Variants in SLC17A6 observed in about 807,000 individuals in gnomAD.
SLC17A6 encodes solute carrier family 17 member 6.
In SLC17A6, 35 loss-of-function variants were observed where a neutral mutation model predicts 67.1. That is an observed-to-expected ratio of 0.52 (90% CI 0.40 to 0.69). The LOEUF is 0.69. Among genes scored for constraint, SLC17A6 ranks in the 30% least tolerant of loss-of-function variants. The probability of loss-of-function intolerance (pLI) is 0.00; values close to 1 mark genes in which losing one functional copy is unlikely to be tolerated. For missense variants in SLC17A6, 588 were observed against 723.9 expected (o/e 0.81, Z 2.15); for synonymous variants, 285 against 252.3 (o/e 1.13, Z -1.23).
At chr11:22,369,968 G>A (rs1856157367) in intron 7 of SLC17A6, 71 bp from the exon 8 acceptor site, 2 of 1,443,700 alleles carry the variant, frequency 1.4e-6, no homozygotes, top group African/African-American at 1.4e-5. Flanking sequence ...AAAATGCAAA[G>A]CACCTATTAT....
At chr11:22,371,426 G>A (rs973982711) in intron 8 of SLC17A6, among the ~76,000 whole-genome samples, 1 of 151,862 alleles carries the variant, frequency 6.6e-6, no homozygotes, top group Non-Finnish European at 1.5e-5. Flanking sequence ...CTCCATCCCC[G>A]AGAAGAATGG....
Position 22,374,901 on chromosome 11 carries a change from TGGC to T in SLC17A6, c.1174+15_1174+17del. 1 of 1,604,622 alleles carries T rather than the reference TGGC, an allele frequency of 6.2e-7. No individual in the cohort carries two copies. The highest frequency in any genetic ancestry group is 8.5e-7 in the Non-Finnish European group (1 of 1,176,430). ...TGAATTGTGGTGGTAAGTACATAAG[TGGC>T]ACTAAGGACATGTTTTTAGTTCAAT... On this transcript the variant is annotated intron_variant, in intron 9 of 11. Coordinates refer to ENST00000263160, the MANE Select transcript of SLC17A6 (RefSeq NM_020346.3).
chr11:22,367,570 T>G (rs1856127125), intron 7 of SLC17A6, among the ~76,000 whole-genome samples: 1 of 152,158 alleles, frequency 6.6e-6, no homozygotes, highest in African/African-American at 2.4e-5. Context: ...GCAGTTATTT[T>G]GAGCAGAAGT....
chr11:22,343,471 C>A, intron 3 of SLC17A6, 106 bp downstream of exon 3: 1 of 898,668 alleles, frequency 1.1e-6, no homozygotes, highest in Non-Finnish European at 1.7e-6. Context: ...TTGAGGACTC[C>A]CGGGCGAAGT....
intron 8 of SLC17A6, among the ~76,000 whole-genome samples, chr11:22,373,712 T>C (rs1236789326): frequency 6.6e-6 from 1 of 152,204 alleles, no homozygotes; most frequent in Non-Finnish European, 1.5e-5. Context: ...TTTTTTTATT[T>C]AATAAGAACA....
chr11:22,352,571 T>C (rs1442647439), intron 3 of SLC17A6, among the ~76,000 whole-genome samples: 1 of 152,180 alleles, frequency 6.6e-6, no homozygotes, highest in Non-Finnish European at 1.5e-5. Context: ...GAACATGCCA[T>C]ATGAAAAGCA....
At chr11:22,349,892 C>T (rs1590381540) in intron 3 of SLC17A6, among the ~76,000 whole-genome samples, 1 of 152,120 alleles carries the variant, frequency 6.6e-6, no homozygotes, top group Admixed American at 6.5e-5. Context: ...CTGCTGCAGA[C>T]CCTCCAGGAA....
At chr11:22,342,660 G>T (rs950738905) in intron 2 of SLC17A6, among the ~76,000 whole-genome samples, 1 of 152,044 alleles carries the variant, frequency 6.6e-6, no homozygotes, top group Admixed American at 6.5e-5. Context: ...AAACCCCTGA[G>T]CAATGACTCC....
At chr11:22,364,495 G>A (rs1307399576) in intron 6 of SLC17A6, among the ~76,000 whole-genome samples, 1 of 152,084 alleles carries the variant, frequency 6.6e-6, no homozygotes, top group African/African-American at 2.4e-5. Flanking sequence ...TTTGAATCTG[G>A]GAGTTATATT....
At chr11:22,377,332 G>A (rs1403379759) in intron 11 of SLC17A6, 73 bp from the exon 12 acceptor site, 16 of 1,330,084 alleles carry the variant, frequency 1.2e-5, no homozygotes, top group Non-Finnish European at 1.6e-5. Context: ...CAGTGGTGGT[G>A]CATTCAGAGA....
At chr11:22,341,384 CA>C (rs1291164251) in intron 1 of SLC17A6, 143 bp from the exon 2 acceptor site, 2 of 1,224,454 alleles carry the variant, frequency 1.6e-6, no homozygotes, top group Non-Finnish European at 2.2e-6. Context: ...AGCTTGGTGT[CA>C]CCCCACCACC....
chr11:22,370,110 C>T lies in SLC17A6; in HGVS notation c.963C>T (p.Cys321=). 6.2e-7 allele frequency: 1 copy of T among 1,612,276 alleles called. No individual in the cohort carries two copies. Among genetic ancestry groups the T allele is most frequent in the Non-Finnish European group, 8.5e-7 (1 of 1,179,116 alleles). The change falls in exon 8 of 12, where the codon TGC becomes TGT. Residue 321 remains cysteine, a synonymous_variant. Coordinates refer to ENST00000263160, the MANE Select transcript of SLC17A6 (RefSeq NM_020346.3). ...PVYAIIVANF[C]RSWTFYLLLI... ...ATGCAATAATTGTTGCAAACTTCTG[C>T]AGAAGCTGGACTTTTTATTTATTGC...
chr11:22,369,473 T>C lies in SLC17A6; in HGVS notation c.892-566T>C, dbSNP rs555433281. On this transcript the variant is annotated intron_variant, in intron 7 of 11. Coordinates refer to ENST00000263160, the MANE Select transcript of SLC17A6 (RefSeq NM_020346.3). Reference sequence around the variant, plus strand: ...TCCAGTGTCACAGAATTTATAGTTATAGCTACTAGCTATCAAGATAATTTA... The same window carrying C: ...TCCAGTGTCACAGAATTTATAGTTACAGCTACTAGCTATCAAGATAATTTA... Among the ~76,000 whole-genome samples, 36 of 152,138 alleles carry C rather than the reference T, an allele frequency of 2.4e-4. No individual in the cohort carries two copies. The East Asian group carries it at 6.7e-3, about 29-fold the overall frequency.
intron 7 of SLC17A6, among the ~76,000 whole-genome samples, chr11:22,369,090 A>AGG (rs1298446846): frequency 6.6e-6 from 1 of 151,970 alleles, no homozygotes; most frequent in Non-Finnish European, 1.5e-5. Context: ...AGTTAGGTCA[A>AGG]GGATCCCAAG....
rs1668608439 is a variant in SLC17A6, at chr11:22,338,469, A to T, written c.-65A>T. On this transcript the variant is annotated 5_prime_UTR_variant, in exon 1 of 12. Coordinates refer to ENST00000263160, the MANE Select transcript of SLC17A6 (RefSeq NM_020346.3). Reference sequence around the variant, plus strand: ...TTTAAGAGATTAAGACAATATGCGCAATCCTCGCCTTTCCTAGCAATCACT... The same window carrying T: ...TTTAAGAGATTAAGACAATATGCGCTATCCTCGCCTTTCCTAGCAATCACT... 8.5e-7 allele frequency: 1 copy of T among 1,179,354 alleles called. No individual in the cohort carries two copies. The highest frequency in any genetic ancestry group is 1.5e-5 in the African/African-American group (1 of 65,774). The allele number at this position is 1,179,354 out of a possible 1,614,324, so 73.1% of individuals were successfully genotyped here. A position where few individuals can be genotyped will look rare whatever the true frequency, so the allele number is the denominator to read the frequency against.
chr11:22,359,999 G>T (rs1439774932), intron 4 of SLC17A6, among the ~76,000 whole-genome samples: 2 of 151,878 alleles, frequency 1.3e-5, no homozygotes, highest in Non-Finnish European at 2.9e-5. Flanking sequence ...CCATCAGCCT[G>T]CAGACTTTGA....
intron 1 of SLC17A6, among the ~76,000 whole-genome samples, chr11:22,339,118 TATATATATATG>T (rs1855776198): frequency 9.1e-5 from 6 of 65,586 alleles, no homozygotes; most frequent in East Asian, 6.0e-4. Context: ...ATATATATGT[TATATATATATG>T]TTATATATAT....
intron 3 of SLC17A6, among the ~76,000 whole-genome samples, chr11:22,344,914 A>G (rs1855858897): frequency 6.6e-6 from 1 of 152,202 alleles, no homozygotes; most frequent in South Asian, 2.1e-4. Flanking sequence ...TATTTCCTAA[A>G]TTAAAACAAA....
At chr11:22,374,409 CCTCT>C (rs146775795) in intron 8 of SLC17A6, among the ~76,000 whole-genome samples, 1,643 of 150,266 alleles carry the variant, frequency 0.011, 29 homozygotes, top group African/African-American at 0.038. Context: ...ATGTATTTTT[CCTCT>C]CTCTCTCTCT....
Sources: gnomAD v4.1 joint callset for allele counts (sites outside exome capture counted in the v4.1 genomes callset) on GRCh38, gnomAD v4.1.1 for gene constraint, MANE v1.5 for transcripts, NCBI Gene and HGNC (gene_info 2026-07-23, HGNC 2026-07-21) for gene names.